The following NOS1 variants were observed in gnomAD, a reference collection of about 807,000 sequenced individuals.
The protein encoded by NOS1 is NOS type I.
In NOS1, 51 loss-of-function variants were observed where a neutral mutation model predicts 164.5. The observed-to-expected ratio is 0.31, with a 90% CI of 0.25 to 0.39. The LOEUF is 0.39. Among genes scored for constraint, NOS1 ranks in the 10% least tolerant of loss-of-function variants. The probability of loss-of-function intolerance (pLI) is 1.00; values close to 1 mark genes in which losing one functional copy is unlikely to be tolerated. For missense variants in NOS1, 1,362 were observed against 1,885.6 expected (o/e 0.72, Z 5.14); for synonymous variants, 719 against 745.8 (o/e 0.96, Z 0.59).
chr12:117,327,001 C>T (rs568957452), intron 2 of NOS1, among the ~76,000 whole-genome samples: 3 of 152,274 alleles, frequency 2.0e-5, no homozygotes, highest in East Asian at 1.9e-4. Context: ...CTCTGGGGGA[C>T]GTCTCCACAT....
At chr12:117,326,298 A>C (rs1875241127) in intron 2 of NOS1, among the ~76,000 whole-genome samples, 1 of 151,606 alleles carries the variant, frequency 6.6e-6, no homozygotes, top group Non-Finnish European at 1.5e-5. Flanking sequence ...AGGCAGGAGA[A>C]TTGCTGGAAC....
At chr12:117,340,357 G>C (rs915753097) in intron 1 of NOS1, among the ~76,000 whole-genome samples, 1 of 152,128 alleles carries the variant, frequency 6.6e-6, no homozygotes, top group Non-Finnish European at 1.5e-5. Flanking sequence ...AAAAGAGTAA[G>C]GTCTTTGAAG....
intron 23 of NOS1, among the ~76,000 whole-genome samples, chr12:117,226,985 G>A (rs991375424): frequency 3.3e-5 from 5 of 152,118 alleles, no homozygotes; most frequent in Non-Finnish European, 7.4e-5. Flanking sequence ...GTAGGGGTGG[G>A]TCGGATTCGA....
chr12:117,236,869 G>A (rs1869759300), intron 20 of NOS1, among the ~76,000 whole-genome samples: 1 of 152,210 alleles, frequency 6.6e-6, no homozygotes, highest in South Asian at 2.1e-4. Context: ...GAGGGTGGCC[G>A]TGCAGACAAG....
At chr12:117,251,563 C>G (rs907044631) in intron 17 of NOS1, among the ~76,000 whole-genome samples, 1 of 151,606 alleles carries the variant, frequency 6.6e-6, no homozygotes, top group Non-Finnish European at 1.5e-5. Context: ...AAGACATGTG[C>G]CACTATGCCC....
intron 25 of NOS1, 64 bp from the exon 26 acceptor site, chr12:117,222,927 T>G (rs1033987242): frequency 6.4e-7 from 1 of 1,566,570 alleles, no homozygotes; most frequent in Admixed American, 1.8e-5. Context: ...GTGGCTGAGG[T>G]GCCAGGGATG....
chr12:117,269,623 A>T (rs1226623611), intron 10 of NOS1, among the ~76,000 whole-genome samples: 9 of 151,792 alleles, frequency 5.9e-5, no homozygotes. Context: ...GCACACCATC[A>T]TGTCCAGCTA....
Position 117,214,391 on chromosome 12 carries a change from C to T in NOS1, c.*918G>A. 1 of 985,378 alleles carries T rather than the reference C, an allele frequency of 1.0e-6. No homozygotes were observed. The highest frequency in any genetic ancestry group is 1.2e-6 in the Non-Finnish European group (1 of 829,922). 61.0% of individuals were successfully genotyped at this position (985,378 alleles called of 1,614,324 possible). ...CACCAGGCTTCTTTGAACAACATAA[C>T]TTCCAGGCCCCTTGGATGCTATTGC... On this transcript the variant is annotated 3_prime_UTR_variant, in exon 29 of 29. Transcript: ENST00000317775.
chr12:117,262,068 G>A (rs961295970), intron 13 of NOS1, among the ~76,000 whole-genome samples: 3 of 152,170 alleles, frequency 2.0e-5, no homozygotes, highest in Non-Finnish European at 4.4e-5. Flanking sequence ...GATTATCGGC[G>A]TTAAGTTCAT....
intron 23 of NOS1, among the ~76,000 whole-genome samples, chr12:117,226,988 G>A (rs1289981297): frequency 1.3e-5 from 2 of 152,094 alleles, no homozygotes; most frequent in African/African-American, 4.8e-5. Flanking sequence ...GGGGTGGGTC[G>A]GATTCGAATC....
At chr12:117,282,456 C>T (rs1566057355) in intron 7 of NOS1, among the ~76,000 whole-genome samples, 1 of 152,126 alleles carries the variant, frequency 6.6e-6, no homozygotes, top group Non-Finnish European at 1.5e-5. Flanking sequence ...GGCTGGAATC[C>T]CCCTCTTCCA....
chr12:117,339,940 G>T (rs1348529437), intron 1 of NOS1, among the ~76,000 whole-genome samples: 13 of 152,176 alleles, frequency 8.5e-5, no homozygotes, highest in African/African-American at 2.9e-4. Flanking sequence ...GGGCTGGAAG[G>T]CTAGAAATTG....
At chr12:117,301,445 C>T (rs1249490904) in intron 3 of NOS1, among the ~76,000 whole-genome samples, 1 of 152,170 alleles carries the variant, frequency 6.6e-6, no homozygotes, top group African/African-American at 2.4e-5. Context: ...TTTTGAGTAA[C>T]ATTCAGTAAA....
At chr12:117,221,800 C>G (rs921442690) in intron 26 of NOS1, among the ~76,000 whole-genome samples, 7 of 149,048 alleles carry the variant, frequency 4.7e-5, no homozygotes, top group African/African-American at 1.5e-4. Flanking sequence ...CATACGCCAC[C>G]ACGCCCAGCT....
chr12:117,265,630 G>C (rs1203091028), intron 11 of NOS1, 120 bp from the exon 12 acceptor site: 16 of 608,804 alleles, frequency 2.6e-5, no homozygotes, highest in Non-Finnish European at 3.9e-5. Context: ...AGAGCAGCGT[G>C]AAGTGAGATG....
At chr12:117,270,580 A>G (rs1377740402) in intron 10 of NOS1, among the ~76,000 whole-genome samples, 4 of 152,124 alleles carry the variant, frequency 2.6e-5, no homozygotes, top group African/African-American at 9.7e-5. Flanking sequence ...GTATAGAAGA[A>G]CAATGCTATT....
At chr12:117,270,391 A>T (rs1872706444) in intron 10 of NOS1, among the ~76,000 whole-genome samples, 1 of 152,096 alleles carries the variant, frequency 6.6e-6, no homozygotes, top group Admixed American at 6.6e-5. Context: ...TGAAATGTAG[A>T]CAGAGATCAG....
chr12:117,236,499 A>T (rs1339130489), intron 20 of NOS1, among the ~76,000 whole-genome samples: 1 of 152,204 alleles, frequency 6.6e-6, no homozygotes, highest in African/African-American at 2.4e-5. Flanking sequence ...TGGCAGTATT[A>T]GAGTCTGGAG....
At chr12:117,219,048 G>A (rs1267176233) in intron 27 of NOS1, among the ~76,000 whole-genome samples, 3 of 149,782 alleles carry the variant, frequency 2.0e-5, no homozygotes, top group African/African-American at 4.9e-5. Context: ...GCGTGATCTC[G>A]GCTCACTGCA....
Sources: allele counts gnomAD v4.1 joint callset (sites outside exome capture counted in the v4.1 genomes callset), GRCh38; gene constraint gnomAD v4.1.1; transcripts MANE v1.5; gene names NCBI Gene and HGNC (gene_info 2026-07-23, HGNC 2026-07-21).